The following NEO1 variants were observed in gnomAD, a reference collection of about 807,000 sequenced individuals.
The protein encoded by NEO1 is neogenin.
In NEO1, 63 loss-of-function variants were observed where a neutral mutation model predicts 159.7. The ratio of observed to expected loss-of-function variants is 0.39; its 90% CI spans 0.32 to 0.49. The LOEUF is 0.49. Among genes scored for constraint, NEO1 ranks in the 20% least tolerant of loss-of-function variants. The probability of loss-of-function intolerance (pLI) is 0.85; values close to 1 mark genes in which losing one functional copy is unlikely to be tolerated. For synonymous variants in NEO1, 633 were observed against 662.0 expected (o/e 0.96, Z 0.67); for missense variants, 1,615 against 1,831.0 (o/e 0.88, Z 2.15).
At chr15:73,269,867 G>C in intron 16 of NEO1, 143 bp from the exon 17 acceptor site, 1 of 704,930 alleles carries the variant, frequency 1.4e-6, no homozygotes. Context: ...TAAATGAATG[G>C]TGGTTATCTA....
At chr15:73,268,656 A>G (rs753454724) in intron 16 of NEO1, among the ~76,000 whole-genome samples, 23 of 152,266 alleles carry the variant, frequency 1.5e-4, no homozygotes, top group Admixed American at 5.9e-4. Flanking sequence ...GCTAGTCACC[A>G]TGACTATGTG....
At chr15:73,130,419 CA>C (rs528041156) in intron 4 of NEO1, among the ~76,000 whole-genome samples, 2 of 151,644 alleles carry the variant, frequency 1.3e-5, no homozygotes, top group Non-Finnish European at 2.9e-5. Context: ...TAGGCACAAA[CA>C]AAAAAAGCCT....
chr15:73,248,603 T>C (rs1403849491), intron 9 of NEO1, among the ~76,000 whole-genome samples: 1 of 152,228 alleles, frequency 6.6e-6, no homozygotes, highest in Non-Finnish European at 1.5e-5. Context: ...AATTGTGTGC[T>C]CTCATCTTTC....
intron 5 of NEO1, among the ~76,000 whole-genome samples, chr15:73,144,564 T>C (rs980507104): frequency 1.3e-5 from 2 of 152,184 alleles, no homozygotes; most frequent in South Asian, 4.1e-4. Flanking sequence ...CTTCCACTTG[T>C]TGATTAAACT....
intron 2 of NEO1, among the ~76,000 whole-genome samples, chr15:73,121,879 C>T (rs1160912315): frequency 4.0e-5 from 6 of 151,822 alleles, no homozygotes; most frequent in South Asian, 2.1e-4. Context: ...TACTTTACGT[C>T]GTAAGATGTA....
intron 1 of NEO1, among the ~76,000 whole-genome samples, chr15:73,060,596 T>C (rs2151242836): frequency 6.6e-6 from 1 of 151,252 alleles, no homozygotes; most frequent in South Asian, 2.1e-4. Context: ...ATTTATAGAG[T>C]GTTGTATATT....
At chr15:73,289,033 C>A in intron 24 of NEO1, 113 bp from the exon 25 acceptor site, 1 of 737,176 alleles carries the variant, frequency 1.4e-6, no homozygotes, top group Non-Finnish European at 2.4e-6. Flanking sequence ...AATGTCTTGT[C>A]CCCATTATGC....
rs149518443 is a variant in NEO1, at chr15:73,182,763, G to A, written c.1291+4336G>A. ...CCATGATTTAATTATCTACCAGTAG[G>A]TCCCTTCCACAACACGTGGGAATTA... On this transcript the variant is annotated intron_variant, in intron 7 of 28. Coordinates refer to ENST00000261908, the MANE Select transcript of NEO1 (RefSeq NM_002499.4). Among the ~76,000 whole-genome samples the A allele has an allele frequency of 1.9e-3, 291 of 152,100 alleles. 1 individual carries two copies. Among genetic ancestry groups the A allele is most frequent in the African/African-American group, 6.7e-3 (279 of 41,522 alleles).
At chr15:73,259,640 C>T (rs2040528960) in intron 14 of NEO1, among the ~76,000 whole-genome samples, 1 of 152,142 alleles carries the variant, frequency 6.6e-6, no homozygotes, top group African/African-American at 2.4e-5. Flanking sequence ...AGACATGAGC[C>T]ACCATACCTG....
chr15:73,145,918 T>C (rs751952041), intron 5 of NEO1, among the ~76,000 whole-genome samples: 10 of 152,300 alleles, frequency 6.6e-5, no homozygotes, highest in Middle Eastern at 3.4e-3. Flanking sequence ...AATGAGTGCA[T>C]GATTGTCATT....
At chr15:73,106,569 A>G (rs1450715015) in intron 1 of NEO1, among the ~76,000 whole-genome samples, 4 of 152,182 alleles carry the variant, frequency 2.6e-5, no homozygotes, top group East Asian at 3.8e-4. Context: ...TAAGTTACCA[A>G]TAACTACATG....
chr15:73,210,360 C>T (rs1176280656), intron 7 of NEO1, among the ~76,000 whole-genome samples: 1 of 152,180 alleles, frequency 6.6e-6, no homozygotes, highest in Non-Finnish European at 1.5e-5. Flanking sequence ...GACCAATTTT[C>T]CTTTTGTTCA....
intron 5 of NEO1, among the ~76,000 whole-genome samples, chr15:73,144,665 C>G (rs904486445): frequency 6.6e-6 from 1 of 152,112 alleles, no homozygotes; most frequent in African/African-American, 2.4e-5. Context: ...ACAGTAATGC[C>G]CAGATTCCCA....
chr15:73,075,154 G>A (rs1403782886), intron 1 of NEO1, among the ~76,000 whole-genome samples: 1 of 152,164 alleles, frequency 6.6e-6, no homozygotes, highest in Non-Finnish European at 1.5e-5. Context: ...ATACAAAGAA[G>A]TAAGTGAATA....
intron 1 of NEO1, among the ~76,000 whole-genome samples, chr15:73,080,770 C>T (rs968647681): frequency 2.6e-5 from 4 of 152,030 alleles, no homozygotes; most frequent in Non-Finnish European, 4.4e-5. Context: ...TCCCTGCAAA[C>T]ATGGGCCAGA....
chr15:73,170,565 G>GT (rs1236854392), intron 5 of NEO1, among the ~76,000 whole-genome samples: 1 of 152,152 alleles, frequency 6.6e-6, no homozygotes. Context: ...ATATGGGATA[G>GT]TTTAAGAATC....
chr15:73,183,811 C>G (rs1440673145), intron 7 of NEO1, among the ~76,000 whole-genome samples: 1 of 152,136 alleles, frequency 6.6e-6, no homozygotes, highest in African/African-American at 2.4e-5. Context: ...ATGGTAGTCT[C>G]CCAGTAGAGG....
chr15:73,149,271 C>T (rs931408900), intron 5 of NEO1, among the ~76,000 whole-genome samples: 7 of 151,074 alleles, frequency 4.6e-5, no homozygotes, highest in East Asian at 1.9e-4. Flanking sequence ...GCCGAGATTG[C>T]GCCATTGCAC....
chr15:73,061,785 A>G (rs1163080731), intron 1 of NEO1, among the ~76,000 whole-genome samples: 4 of 152,236 alleles, frequency 2.6e-5, no homozygotes, highest in Non-Finnish European at 4.4e-5. Context: ...TACATATATA[A>G]CAACAATAAC....
Sources: allele counts gnomAD v4.1 joint callset (sites outside exome capture counted in the v4.1 genomes callset), GRCh38; gene constraint gnomAD v4.1.1; transcripts MANE v1.5; gene names NCBI Gene and HGNC (gene_info 2026-07-23, HGNC 2026-07-21).